NXN: variants seen among roughly 807,000 people sequenced by gnomAD.
NXN encodes nucleoredoxin.
NXN carries 16 observed loss-of-function variants against 48.6 expected under a neutral mutation model. The ratio of observed to expected loss-of-function variants is 0.33; its 90% confidence interval spans 0.22 to 0.50. The LOEUF (loss-of-function observed/expected upper bound fraction) is 0.50, where lower values mean the gene tolerates loss of function less well. Among genes scored for constraint, NXN ranks in the 20% least tolerant of loss-of-function variants. The probability of loss-of-function intolerance (pLI) is 0.98; values close to 1 mark genes in which losing one functional copy is unlikely to be tolerated. For missense variants in NXN, 492 were observed against 605.5 expected, an observed-to-expected ratio of 0.81 and a Z score of 1.97; for synonymous variants, 281 against 269.6, an observed-to-expected ratio of 1.04 and a Z score of -0.41.
At chr17:900,822 T>A in intron 1 of NXN, among the ~76,000 whole-genome samples, 1 of 151,424 alleles carries the variant, frequency 6.6e-6, no homozygotes, top group Non-Finnish European at 1.5e-5. Context: ...ACGTTATAAA[T>A]GACCCAATCT....
intron 1 of NXN, among the ~76,000 whole-genome samples, chr17:903,780 G>A (rs1446968549): frequency 6.6e-6 from 1 of 152,190 alleles, no homozygotes; most frequent in African/African-American, 2.4e-5. Context: ...CTGAGGTTCA[G>A]AGAGGCTAAG....
intron 1 of NXN, among the ~76,000 whole-genome samples, chr17:965,533 G>C (rs2150633604): frequency 6.6e-6 from 1 of 152,262 alleles, no homozygotes; most frequent in South Asian, 2.1e-4. Context: ...ACACCGAGGA[G>C]TGTGGGCTGA....
In NXN at chr17:849,814, CAG is replaced by C. The variant is rs1299136348; in HGVS notation, c.361-23738_361-23737del. Among the ~76,000 whole-genome samples the C allele has an allele frequency of 6.6e-6, 1 of 152,100 alleles. No homozygotes were observed. Among genetic ancestry groups the C allele is most frequent in the Non-Finnish European group, 1.5e-5 (1 of 68,016 alleles). Reference sequence around the variant, plus strand: ...GGTCGCCTTGCTGGGCCAGGGACAGCAGAGAGAAATGGAGCTGACGGAGAGGA... The same window carrying C: ...GGTCGCCTTGCTGGGCCAGGGACAGCAGAGAAATGGAGCTGACGGAGAGGA... On this transcript the variant is annotated intron_variant, in intron 1 of 7. Transcript: ENST00000336868. This position sits in a 1 kb window ranked among gnomAD's most constrained non-coding sequence, Gnocchi z 4.2.
intron 1 of NXN, among the ~76,000 whole-genome samples, chr17:911,494 A>AT (rs1200056513): frequency 4.0e-5 from 6 of 151,108 alleles, no homozygotes; most frequent in Non-Finnish European, 7.4e-5. Context: ...CGCCCGGCTA[A>AT]TTTTTTTTGT....
At chr17:970,652 G>C (rs912571395) in intron 1 of NXN, among the ~76,000 whole-genome samples, 1 of 152,174 alleles carries the variant, frequency 6.6e-6, no homozygotes, top group South Asian at 2.1e-4. Flanking sequence ...CGTTTGATGT[G>C]AGTATTTTTT....
At chr17:805,963 G>A (rs1034670591) in intron 5 of NXN, among the ~76,000 whole-genome samples, 2 of 152,150 alleles carry the variant, frequency 1.3e-5, no homozygotes, top group Non-Finnish European at 2.9e-5. Context: ...ACACGGAACA[G>A]GCAGTGCAGT....
At chr17:953,614 C>T (rs973988053) in intron 1 of NXN, among the ~76,000 whole-genome samples, 8 of 152,316 alleles carry the variant, frequency 5.3e-5, no homozygotes, top group African/African-American at 1.9e-4. Flanking sequence ...AAACTATACT[C>T]TCAACAGTTG....
intron 1 of NXN, among the ~76,000 whole-genome samples, chr17:876,136 C>T (rs375161354): frequency 4.0e-5 from 6 of 150,320 alleles, no homozygotes; most frequent in African/African-American, 1.2e-4. Flanking sequence ...GTGCCAAGAC[C>T]GTGCCACTGC....
chr17:838,827 C>T lies in NXN; in HGVS notation c.361-12749G>A, dbSNP rs140086486. 3.4e-4 allele frequency among the ~76,000 whole-genome samples: 52 copies of T among 152,146 alleles called. 1 individual carries two copies. Among genetic ancestry groups the T allele is most frequent in the African/African-American group, 1.2e-3 (50 of 41,498 alleles). ...GCCCTACAGCTGCCTCCCTTCCAAA[C>T]GGGGGCCGCTCCAAGAACCCACCGT... On this transcript the variant is annotated intron_variant, in intron 1 of 7. Coordinates refer to ENST00000336868, the MANE Select transcript of NXN (RefSeq NM_022463.5).
chr17:850,630 G>C (rs1256046875), intron 1 of NXN, among the ~76,000 whole-genome samples: 1 of 152,160 alleles, frequency 6.6e-6, no homozygotes, highest in Non-Finnish European at 1.5e-5. Flanking sequence ...GCTCTCTCCA[G>C]GGGGGCGGCG....
chr17:866,793 C>T (rs1013635266), intron 1 of NXN, among the ~76,000 whole-genome samples: 9 of 152,244 alleles, frequency 5.9e-5, no homozygotes, highest in Non-Finnish European at 1.0e-4. Flanking sequence ...GTGGACTAAT[C>T]TGGTTTGTGA....
chr17:979,755 G>T lies in NXN; in HGVS notation c.-77C>A, dbSNP rs533057286. ...CGCGGCGGGAGGAGGCGGCGGCGTC[G>T]GCGGCAGGCGCTGGGGAGAGCAGAG... On this transcript the variant is annotated 5_prime_UTR_variant, in exon 1 of 8. Coordinates refer to ENST00000336868, the MANE Select transcript of NXN (RefSeq NM_022463.5). The T allele has an allele frequency of 8.4e-7, 1 of 1,192,648 alleles. No homozygotes were observed. 73.9% of individuals were successfully genotyped at this position (1,192,648 alleles called of 1,614,324 possible).
At position 977,287 on chromosome 17, in the gene NXN, A is replaced by T. The variant is rs1446270186; in HGVS notation, c.360+2032T>A. Among the ~76,000 whole-genome samples, 8 of 152,330 alleles carry T rather than the reference A, an allele frequency of 5.3e-5. No individual in the cohort carries two copies. The South Asian group carries it at 1.0e-3, about 20-fold the overall frequency. ...GAAAAACTCTGGGCCAAAAAATAAA[A>T]TGTTTAAGATGCTAACGCACCAGGG... On this transcript the variant is annotated intron_variant, in intron 1 of 7. Coordinates refer to ENST00000336868, the MANE Select transcript of NXN (RefSeq NM_022463.5).
intron 1 of NXN, among the ~76,000 whole-genome samples, chr17:890,325 G>A (rs528953206): frequency 1.3e-5 from 2 of 152,116 alleles, no homozygotes; most frequent in African/African-American, 2.4e-5. Context: ...CTTTTGTTCC[G>A]CAAAGCTCTT....
intron 1 of NXN, among the ~76,000 whole-genome samples, chr17:863,564 G>C (rs889152491): frequency 6.6e-6 from 1 of 152,128 alleles, no homozygotes; most frequent in Admixed American, 6.6e-5. Flanking sequence ...TGGCTCAAGC[G>C]ATCCTCCTGA....
intron 1 of NXN, among the ~76,000 whole-genome samples, chr17:948,695 CG>C (rs1228146672): frequency 1.3e-5 from 2 of 151,950 alleles, no homozygotes; most frequent in Non-Finnish European, 2.9e-5. Flanking sequence ...GGTCCCAACG[CG>C]GGGCCTCACC....
chr17:846,691 G>A (rs1322883536), intron 1 of NXN, among the ~76,000 whole-genome samples: 2 of 147,324 alleles, frequency 1.4e-5, no homozygotes, highest in Non-Finnish European at 3.0e-5. Flanking sequence ...GATAGGGTGG[G>A]TACGTTAAAG....
chr17:828,470 A>C (rs1169083227), intron 1 of NXN, among the ~76,000 whole-genome samples: 3 of 131,884 alleles, frequency 2.3e-5, no homozygotes, highest in Admixed American at 8.0e-5. Flanking sequence ...GGTGTGATCT[A>C]GGCTCACTGC....
chr17:842,302 A>G (rs1914374246), intron 1 of NXN, among the ~76,000 whole-genome samples: 1 of 152,202 alleles, frequency 6.6e-6, no homozygotes, highest in Non-Finnish European at 1.5e-5. Context: ...TTATACAGAA[A>G]CAGTCGCTAG....
Sources: gnomAD v4.1 joint callset for allele counts (sites outside exome capture counted in the v4.1 genomes callset) on GRCh38, gnomAD v4.1.1 for gene constraint, Gnocchi (gnomAD v3.1) non-coding constraint, MANE v1.5 for transcripts, NCBI Gene and HGNC (gene_info 2026-07-23, HGNC 2026-07-21) for gene names.